Variants in DGKB observed in about 807,000 individuals in gnomAD.
The protein encoded by DGKB is 90 kDa diacylglycerol kinase.
In DGKB, 67 loss-of-function variants were observed where a neutral mutation model predicts 114.3. The observed-to-expected ratio is 0.59, with a 90% CI of 0.48 to 0.72. DGKB has a LOEUF of 0.72. DGKB is among the 30% of genes least tolerant of loss of function. The pLI is 0.00. For missense variants in DGKB, 907 were observed against 975.2 expected (o/e 0.93, Z 0.93); for synonymous variants, 398 against 323.1 (o/e 1.23, Z -2.49).
intron 14 of DGKB, among the ~76,000 whole-genome samples, chr7:14,624,533 T>C (rs1279997656): frequency 6.6e-6 from 1 of 152,182 alleles, no homozygotes; most frequent in East Asian, 1.9e-4. Flanking sequence ...CATCTATTAA[T>C]ATGACTTTAC....
At chr7:14,781,292 C>G (rs1170532248) in intron 2 of DGKB, among the ~76,000 whole-genome samples, 1 of 152,182 alleles carries the variant, frequency 6.6e-6, no homozygotes, top group Non-Finnish European at 1.5e-5. Context: ...TTCTGCTTAT[C>G]TTTCAATTCA....
intron 2 of DGKB, among the ~76,000 whole-genome samples, chr7:14,787,223 T>C (rs976198365): frequency 1.3e-5 from 2 of 151,904 alleles, no homozygotes; most frequent in African/African-American, 4.8e-5. Flanking sequence ...TATAGCGGAG[T>C]GTGGGGGCAG....
upstream of DGKB, among the ~76,000 whole-genome samples, chr7:14,904,057 C>T (rs537902322): frequency 6.6e-6 from 1 of 152,270 alleles, no homozygotes; most frequent in South Asian, 2.1e-4. Flanking sequence ...AACATATTCT[C>T]ATAAAAAATA....
chr7:14,836,697 G>C (rs184547334), intron 2 of DGKB, among the ~76,000 whole-genome samples: 1 of 152,160 alleles, frequency 6.6e-6, no homozygotes, highest in Non-Finnish European at 1.5e-5. Context: ...ACATATCAAG[G>C]GAAATGCTTC....
At chr7:14,375,455 T>G (rs1210489919) in intron 21 of DGKB, among the ~76,000 whole-genome samples, 1 of 151,854 alleles carries the variant, frequency 6.6e-6, no homozygotes, top group African/African-American at 2.4e-5. Context: ...CTAGCTAGCT[T>G]CATCTGACAA....
intron 1 of DGKB, among the ~76,000 whole-genome samples, chr7:14,879,945 C>T (rs937779809): frequency 1.3e-5 from 2 of 152,098 alleles, no homozygotes; most frequent in Non-Finnish European, 2.9e-5. Flanking sequence ...CAAAATCTTC[C>T]TATTACTTAG....
chr7:14,634,410 G>C (rs534418746), intron 13 of DGKB, among the ~76,000 whole-genome samples: 1 of 148,872 alleles, frequency 6.7e-6, no homozygotes, highest in South Asian at 2.1e-4. Context: ...TAAGTGGTTT[G>C]GAAATAAAAT....
chr7:14,839,464 GCACAATGGCTCACTGCAGC>G (rs1391522797), intron 2 of DGKB, among the ~76,000 whole-genome samples: 1 of 148,724 alleles, frequency 6.7e-6, no homozygotes, highest in Non-Finnish European at 1.5e-5. Context: ...GAGTGCAGTG[GCACAATGGCTCACTGCAGC>G]CTCAGCCTCC....
At chr7:14,517,141 G>T (rs914804002) in intron 20 of DGKB, among the ~76,000 whole-genome samples, 1 of 152,044 alleles carries the variant, frequency 6.6e-6, no homozygotes, top group East Asian at 1.9e-4. Context: ...AGAGATCTCA[G>T]AAATAAGGCC....
intron 23 of DGKB, among the ~76,000 whole-genome samples, chr7:14,224,676 G>T (rs191419414): frequency 1.3e-5 from 2 of 151,900 alleles, no homozygotes; most frequent in African/African-American, 4.8e-5. Context: ...GCTTATCTTT[G>T]TGAATTCTAG....
intron 13 of DGKB, among the ~76,000 whole-genome samples, chr7:14,641,497 GA>G (rs71004321): frequency 0.8 from 117,344 of 147,416 alleles, 46,703 homozygotes; most frequent in East Asian, 0.89. Context: ...TCTCATTTTG[GA>G]AAAAAAAAAA....
intron 5 of DGKB, among the ~76,000 whole-genome samples, chr7:14,733,700 CGAAAGAAT>C: frequency 8.0e-6 from 1 of 124,288 alleles, no homozygotes; most frequent in South Asian, 2.7e-4. Flanking sequence ...AACAAAAGAA[CGAAAGAAT>C]GAAAGAGAGA....
At chr7:14,799,957 C>T (rs1454375822) in intron 2 of DGKB, among the ~76,000 whole-genome samples, 2 of 151,884 alleles carry the variant, frequency 1.3e-5, no homozygotes, top group African/African-American at 4.8e-5. Context: ...CACTCTGTTG[C>T]CCAGGCCAGA....
chr7:14,176,754 G>GA (rs1416293711), intron 25 of DGKB, 85 bp downstream of exon 25: 3 of 1,552,634 alleles, frequency 1.9e-6, no homozygotes, highest in South Asian at 1.2e-5. Context: ...AAGAAATAAA[G>GA]AAAAAAATCA....
intron 1 of DGKB, among the ~76,000 whole-genome samples, chr7:14,915,567 T>G (rs1784202896): frequency 6.6e-6 from 1 of 152,010 alleles, no homozygotes; most frequent in South Asian, 2.1e-4. Context: ...TTGACAAATG[T>G]GAGAAAATAA....
At chr7:14,811,359 C>A (rs1028452789) in intron 2 of DGKB, among the ~76,000 whole-genome samples, 1 of 152,074 alleles carries the variant, frequency 6.6e-6, no homozygotes, top group Non-Finnish European at 1.5e-5. Flanking sequence ...AGGAGAACTC[C>A]ACCACACCTG....
At chr7:14,824,139 A>AC (rs570477186) in intron 2 of DGKB, among the ~76,000 whole-genome samples, 327 of 151,810 alleles carry the variant, frequency 2.2e-3, no homozygotes, top group African/African-American at 7.8e-3. Flanking sequence ...GGAAAGACCC[A>AC]CCCCCCATGA....
intron 6 of DGKB, among the ~76,000 whole-genome samples, chr7:14,706,223 C>A: frequency 6.9e-6 from 1 of 144,372 alleles, no homozygotes; most frequent in Admixed American, 7.0e-5. Flanking sequence ...CAAAGAAGGC[C>A]ATTACATAAT....
At position 14,689,199 on chromosome 7, in the gene DGKB, A is replaced by ATTTTTTTTTTTTTTTTTTTTTTTTT. The variant is rs551618345; in HGVS notation, c.712-3862_712-3838dup. Among the ~76,000 whole-genome samples the ATTTTTTTTTTTTTTTTTTTTTTTTT allele has an allele frequency of 1.4e-4, 11 of 76,568 alleles. 2 individuals carry two copies. The highest frequency in any genetic ancestry group is 2.1e-4 in the Non-Finnish European group (8 of 37,970). The allele number at this position is 76,568 out of a possible 152,430, so 50.2% of individuals were successfully genotyped here. ...TGACAATGTGACAGAAACTCCTCTT[A>ATTTTTTTTTTTTTTTTTTTTTTTTT]TTTTTTTTTTTTTTTTTTTTTTTTT... On this transcript the variant is annotated intron_variant, in intron 9 of 25. Transcript: ENST00000402815.
Sources: gnomAD v4.1 joint callset for allele counts (sites outside exome capture counted in the v4.1 genomes callset) on GRCh38, gnomAD v4.1.1 for gene constraint, MANE v1.5 for transcripts, NCBI Gene and HGNC (gene_info 2026-07-23, HGNC 2026-07-21) for gene names.